The following CIT variants were observed in gnomAD, a reference collection of about 807,000 sequenced individuals.
CIT encodes the protein citron Rho-interacting kinase.
In CIT, 79 loss-of-function variants were observed where a neutral mutation model predicts 272.7. That is an observed-to-expected ratio of 0.29 (90% CI 0.24 to 0.35). The LOEUF is 0.35. CIT is among the 10% of genes least tolerant of loss of function. The probability of loss-of-function intolerance (pLI) is 1.00; values close to 1 mark genes in which losing one functional copy is unlikely to be tolerated. For missense variants in CIT, 1,909 were observed against 2,618.3 expected, an observed-to-expected ratio of 0.73 and a Z score of 5.91; for synonymous variants, 948 against 995.6, an observed-to-expected ratio of 0.95 and a Z score of 0.90.
intron 25 of CIT, among the ~76,000 whole-genome samples, chr12:119,734,903 G>A (rs920979723): frequency 3.3e-5 from 5 of 151,838 alleles, no homozygotes; most frequent in Non-Finnish European, 5.9e-5. Flanking sequence ...CTTCTGCCTC[G>A]GCCTCCCAAA....
intron 16 of CIT, among the ~76,000 whole-genome samples, chr12:119,773,582 C>T (rs763735069): frequency 2.0e-5 from 3 of 152,062 alleles, no homozygotes; most frequent in Non-Finnish European, 2.9e-5. Context: ...TACAGGCATG[C>T]GCCACCACAT....
intron 5 of CIT, among the ~76,000 whole-genome samples, chr12:119,837,295 G>C (rs1969081726): frequency 6.6e-6 from 1 of 152,222 alleles, no homozygotes; most frequent in Non-Finnish European, 1.5e-5. Flanking sequence ...ATTCTAGTAT[G>C]AATGGAGGCC....
rs1023177880 is a variant in CIT, at chr12:119,770,280, C to A, written c.2208+505G>T. 2.0e-5 allele frequency among the ~76,000 whole-genome samples: 3 copies of A among 152,016 alleles called. No individual in the cohort carries two copies. The highest frequency in any genetic ancestry group is 4.4e-5 in the Non-Finnish European group (3 of 67,998). On this transcript the variant is annotated intron_variant, in intron 18 of 47. Coordinates refer to ENST00000392521, the MANE Select transcript of CIT (RefSeq NM_001206999.2). The surrounding 1 kb of genome is among the most constrained non-coding windows in gnomAD (Gnocchi z 4.4). ...TTGAAAAAATAATAATAATAATAAC[C>A]AACTGTAGCAGAGAAAGTGAGTGGG...
chr12:119,869,570 C>T (rs1002178911), intron 2 of CIT, among the ~76,000 whole-genome samples: 1 of 152,152 alleles, frequency 6.6e-6, no homozygotes, highest in Admixed American at 6.5e-5. Context: ...TTTTTCACTT[C>T]TTTCATGTGT....
rs1048101575 is a variant in CIT, at chr12:119,718,484, G to C, written c.4004-75C>G. 9 of 1,528,070 alleles carry C rather than the reference G, an allele frequency of 5.9e-6. No homozygotes were observed. Among genetic ancestry groups the C allele is most frequent in the African/African-American group, 4.1e-5 (3 of 72,564 alleles). 94.7% of individuals were successfully genotyped at this position (1,528,070 alleles called of 1,614,324 possible). A position where few individuals can be genotyped will look rare whatever the true frequency, so the allele number is the denominator to read the frequency against. ...GACCAAACTAAGCCGAATGTCCCTGGGCTATCTTTCAAGGACCCAAGACCA... is the reference window on the plus strand; with the variant it reads ...GACCAAACTAAGCCGAATGTCCCTGCGCTATCTTTCAAGGACCCAAGACCA... On this transcript the variant is annotated intron_variant, in intron 31 of 47. Transcript: ENST00000392521. This position sits in a 1 kb window ranked among gnomAD's most constrained non-coding sequence, Gnocchi z 4.8.
intron 10 of CIT, among the ~76,000 whole-genome samples, chr12:119,791,341 T>A (rs145485065): frequency 3.3e-5 from 5 of 152,270 alleles, no homozygotes; most frequent in African/African-American, 1.2e-4. Flanking sequence ...ACTCCAAGCC[T>A]GAGTCCAGGA....
At chr12:119,803,481 G>T in intron 9 of CIT, 92 bp from the exon 10 acceptor site, 1 of 943,322 alleles carries the variant, frequency 1.1e-6, no homozygotes, top group South Asian at 1.7e-5. Flanking sequence ...TTACTCCTTC[G>T]GCGCTGGCGA....
At chr12:119,874,742 C>T (rs776282203) in intron 2 of CIT, among the ~76,000 whole-genome samples, 18 of 151,724 alleles carry the variant, frequency 1.2e-4, no homozygotes, top group Non-Finnish European at 2.2e-4. Context: ...AAAAATTAGC[C>T]GGGCGAGGTG....
intron 22 of CIT, among the ~76,000 whole-genome samples, chr12:119,755,029 G>C (rs1230781010): frequency 6.6e-6 from 1 of 152,198 alleles, no homozygotes; most frequent in Non-Finnish European, 1.5e-5. Flanking sequence ...TTACAGAAGA[G>C]TGAAAGTATA....
At chr12:119,858,220 T>C (rs1420327692) in intron 3 of CIT, among the ~76,000 whole-genome samples, 1 of 152,080 alleles carries the variant, frequency 6.6e-6, no homozygotes, top group Non-Finnish European at 1.5e-5. Context: ...TGGCAGTGCT[T>C]AAAGGGGCAG....
At chr12:119,862,535 C>G (rs1233185688) in intron 3 of CIT, among the ~76,000 whole-genome samples, 2 of 151,490 alleles carry the variant, frequency 1.3e-5, no homozygotes, top group Non-Finnish European at 2.9e-5. Context: ...GTAGGACTTG[C>G]AGGGGCTGGC....
intron 44 of CIT, among the ~76,000 whole-genome samples, chr12:119,700,390 G>A (rs1228894958): frequency 6.6e-6 from 1 of 151,988 alleles, no homozygotes; most frequent in Non-Finnish European, 1.5e-5. Context: ...GGTTTTTTTT[G>A]TTGTTTTTTT....
chr12:119,746,301 T>A (rs1250433606), intron 23 of CIT, among the ~76,000 whole-genome samples: 1 of 152,202 alleles, frequency 6.6e-6, no homozygotes, highest in Non-Finnish European at 1.5e-5. Flanking sequence ...ACTCTACCCT[T>A]CTAAAGCAAA....
chr12:119,859,674 G>A (rs567501607), intron 3 of CIT, among the ~76,000 whole-genome samples: 1 of 152,156 alleles, frequency 6.6e-6, no homozygotes, highest in African/African-American at 2.4e-5. Flanking sequence ...AAAATTAGCT[G>A]CACACAAGCG....
rs1407468940 is a variant in CIT, at chr12:119,712,063, C to G, written c.4854+115G>C. 8.6e-6 allele frequency: 9 copies of G among 1,049,374 alleles called. No homozygotes were observed. Among genetic ancestry groups the G allele is most frequent in the South Asian group, 4.7e-5 (3 of 63,694 alleles). 65.0% of individuals were successfully genotyped at this position (1,049,374 alleles called of 1,614,324 possible). A position where few individuals can be genotyped will look rare whatever the true frequency, so the allele number is the denominator to read the frequency against. ...GACACAGTCTAGAGCCATCAGCCCTCAGAGAGAGAGCCTGAGGGGAATCAA... is the reference window on the plus strand; with the variant it reads ...GACACAGTCTAGAGCCATCAGCCCTGAGAGAGAGAGCCTGAGGGGAATCAA... On this transcript the variant is annotated intron_variant, in intron 37 of 47. Transcript: ENST00000392521. This position sits in a 1 kb window ranked among gnomAD's most constrained non-coding sequence, Gnocchi z 5.2.
Position 119,747,547 on chromosome 12 carries a change from G to A in CIT, c.2904+4503C>T, listed in dbSNP as rs529772033. Among the ~76,000 whole-genome samples, 5 of 151,606 alleles carry A rather than the reference G, an allele frequency of 3.3e-5. No homozygotes were observed. In the East Asian group the frequency reaches 5.9e-4, roughly 18 times the overall value. Reference sequence around the variant, plus strand: ...CATCCTGGCCAACATGGTGAAACCCGTGACTCACTAAAAATACAAAAATTA... The same window carrying A: ...CATCCTGGCCAACATGGTGAAACCCATGACTCACTAAAAATACAAAAATTA... On this transcript the variant is annotated intron_variant, in intron 23 of 47. Coordinates refer to ENST00000392521, the MANE Select transcript of CIT (RefSeq NM_001206999.2).
chr12:119,752,016 TTA>T, intron 23 of CIT, 32 bp downstream of exon 23: 1 of 1,587,802 alleles, frequency 6.3e-7, no homozygotes, highest in Non-Finnish European at 8.6e-7. Context: ...GCTGAGGCCT[TTA>T]GCAACCTGAA....
chr12:119,760,598 G>A (rs971637039), intron 20 of CIT, among the ~76,000 whole-genome samples: 11 of 150,914 alleles, frequency 7.3e-5, no homozygotes, highest in Non-Finnish European at 1.6e-4. Flanking sequence ...CCACATTGCA[G>A]CCTGGGCTTC....
intron 5 of CIT, among the ~76,000 whole-genome samples, chr12:119,845,293 A>T (rs532577053): frequency 1.3e-5 from 2 of 152,138 alleles, no homozygotes; most frequent in African/African-American, 4.8e-5. Flanking sequence ...GACAGTCCCA[A>T]TCCAAGAGGT....
Sources: gnomAD v4.1 joint callset for allele counts (sites outside exome capture counted in the v4.1 genomes callset) on GRCh38, gnomAD v4.1.1 for gene constraint, Gnocchi (gnomAD v3.1) non-coding constraint, MANE v1.5 for transcripts, NCBI Gene and HGNC (gene_info 2026-07-23, HGNC 2026-07-21) for gene names.